The following ITPR1 variants were observed in gnomAD, a reference collection of about 807,000 sequenced individuals.
ITPR1 encodes the protein inositol 1,4,5-trisphosphate-gated calcium channel ITPR1.
Under a neutral mutation model 318.4 loss-of-function variants are expected in ITPR1, and 96 were observed. That is an observed-to-expected ratio of 0.30 (90% confidence interval 0.26 to 0.36). ITPR1 has a LOEUF of 0.36. Ranked by LOEUF, ITPR1 falls within the 10% of genes least tolerant of loss-of-function variation. The probability of loss-of-function intolerance (pLI) is 1.00; values close to 1 mark genes in which losing one functional copy is unlikely to be tolerated. For synonymous variants in ITPR1, 1,312 were observed against 1,289.9 expected (o/e 1.02, Z -0.37); for missense variants, 2,440 against 3,460.2 (o/e 0.71, Z 7.40).
At chr3:4,745,044 CTT>C (rs757374788) in intron 44 of ITPR1, among the ~76,000 whole-genome samples, 1 of 9,148 alleles carries the variant, frequency 1.1e-4, no homozygotes, top group Non-Finnish European at 2.2e-4. Flanking sequence ...TTCTTTATCT[CTT>C]TCTTTTCCTT....
In ITPR1 at chr3:4,727,527, C is replaced by T. The variant is rs139911869; in HGVS notation, c.5220+354C>T. Among the ~76,000 whole-genome samples the T allele has an allele frequency of 2.8e-3, 429 of 152,110 alleles. 1 individual carries two copies. The highest frequency in any genetic ancestry group is 9.8e-3 in the African/African-American group (407 of 41,486). On this transcript the variant is annotated intron_variant, in intron 42 of 61. Coordinates refer to ENST00000649015, the MANE Select transcript of ITPR1 (RefSeq NM_001378452.1). The stretch of plus-strand genomic sequence containing the variant: ...TTATAATTTTAAAAAAATGGAAAAA[C>T]GTTCATAATTACATTACCTAGCCAC...
At chr3:4,639,318 C>G in intron 5 of ITPR1, 66 bp from the exon 6 acceptor site, 1 of 1,186,956 alleles carries the variant, frequency 8.4e-7, no homozygotes, top group South Asian at 1.3e-5. Context: ...ATTTGTTCTG[C>G]GTCACTGCAG....
At chr3:4,573,131 A>G (rs542064597) in intron 4 of ITPR1, among the ~76,000 whole-genome samples, 1 of 152,204 alleles carries the variant, frequency 6.6e-6, no homozygotes, top group African/African-American at 2.4e-5. Context: ...ATTATATAGT[A>G]GCTCTACTTT....
At chr3:4,759,334 G>A (rs1047785927) in intron 44 of ITPR1, among the ~76,000 whole-genome samples, 5 of 152,200 alleles carry the variant, frequency 3.3e-5, no homozygotes, top group African/African-American at 4.8e-5. Flanking sequence ...TCTAAGACCC[G>A]GATTCATTGG....
At chr3:4,759,194 C>T (rs139865891) in intron 44 of ITPR1, among the ~76,000 whole-genome samples, 4 of 152,332 alleles carry the variant, frequency 2.6e-5, no homozygotes, top group South Asian at 2.1e-4. Flanking sequence ...AAGGCAGGCT[C>T]GTCATAACCA....
chr3:4,510,506 A>G (rs1428469616), intron 2 of ITPR1, among the ~76,000 whole-genome samples: 1 of 152,194 alleles, frequency 6.6e-6, no homozygotes, highest in Non-Finnish European at 1.5e-5. Context: ...AAGAATCAAG[A>G]GATATAGTAA....
chr3:4,692,696 A>G (rs977121049), intron 32 of ITPR1, among the ~76,000 whole-genome samples: 2 of 152,244 alleles, frequency 1.3e-5, no homozygotes, highest in Non-Finnish European at 2.9e-5. Flanking sequence ...CAAGTTATAA[A>G]CAGGAATGCC....
At chr3:4,688,987 A>G (rs1429693580) in intron 31 of ITPR1, among the ~76,000 whole-genome samples, 1 of 152,238 alleles carries the variant, frequency 6.6e-6, no homozygotes, top group Non-Finnish European at 1.5e-5. Flanking sequence ...ATACATATAT[A>G]ATATTTCCAT....
chr3:4,843,074 G>GTTTTT (rs11404208), intron 61 of ITPR1, among the ~76,000 whole-genome samples: 6 of 105,444 alleles, frequency 5.7e-5, no homozygotes, highest in South Asian at 3.0e-4. Flanking sequence ...GTTTTGAGGG[G>GTTTTT]TTTTTTTTTT....
intron 44 of ITPR1, among the ~76,000 whole-genome samples, chr3:4,744,183 T>C (rs1054646062): frequency 6.6e-6 from 1 of 152,204 alleles, no homozygotes; most frequent in African/African-American, 2.4e-5. Context: ...CCTCAGGTTT[T>C]CCACAGTCTC....
At chr3:4,652,299 T>C (rs187915431) in intron 11 of ITPR1, 81 bp downstream of exon 11, 26 of 965,210 alleles carry the variant, frequency 2.7e-5, no homozygotes, top group Non-Finnish European at 3.9e-5. Flanking sequence ...AGCCGTCGTG[T>C]TGTAAAAGGC....
At chr3:4,635,921 C>A (rs541568555) in intron 5 of ITPR1, among the ~76,000 whole-genome samples, 3 of 151,842 alleles carry the variant, frequency 2.0e-5, no homozygotes, top group African/African-American at 7.3e-5. Context: ...AATGCAATGG[C>A]ATGATCTCAG....
At chr3:4,671,027 G>A (rs1474005226) in intron 20 of ITPR1, 101 bp downstream of exon 20, 5 of 801,668 alleles carry the variant, frequency 6.2e-6, no homozygotes, top group East Asian at 2.8e-5. Context: ...ATCACAAGGA[G>A]TCATCTTGTA....
intron 4 of ITPR1, among the ~76,000 whole-genome samples, chr3:4,568,098 AAGG>A (rs1354883585): frequency 1.3e-5 from 2 of 152,102 alleles, no homozygotes; most frequent in Non-Finnish European, 2.9e-5. Flanking sequence ...CTGAGAAGAG[AAGG>A]AGATTAAGAG....
rs1264228845 is a variant in ITPR1 at position 4,560,134 on chromosome 3, C to T, written c.163+39040C>T. Among the ~76,000 whole-genome samples, 5 of 152,278 alleles carry T rather than the reference C, an allele frequency of 3.3e-5. 1 individual carries two copies. The South Asian group carries it at 6.2e-4, about 19-fold the overall frequency. ...AAAGACCTTGGAACAGTACTTGGCACGTCCATGAATTAAAAAATGCTTAAG... is the reference window on the plus strand; with the variant it reads ...AAAGACCTTGGAACAGTACTTGGCATGTCCATGAATTAAAAAATGCTTAAG... On this transcript the variant is annotated intron_variant, in intron 4 of 61. Coordinates refer to ENST00000649015, the MANE Select transcript of ITPR1 (RefSeq NM_001378452.1).
rs770979614 is a variant in ITPR1, at chr3:4,727,668, G to A, written c.5220+495G>A. 6.3e-4 allele frequency among the ~76,000 whole-genome samples: 96 copies of A among 152,250 alleles called. 2 individuals are homozygous for A. Among genetic ancestry groups the A allele is most frequent in the Admixed American group, 2.2e-3 (33 of 15,296 alleles). ...CAGCTCACTGCAGCCTCAACCTCCT[G>A]GGCTCAAGAGATCCTCCTGCCTCAG... On this transcript the variant is annotated intron_variant, in intron 42 of 61. Transcript: ENST00000649015.
chr3:4,595,131 G>A (rs1432186399), intron 4 of ITPR1, among the ~76,000 whole-genome samples: 2 of 152,200 alleles, frequency 1.3e-5, no homozygotes, highest in Admixed American at 6.5e-5. Context: ...AATGAAACGT[G>A]TATTAGTCTG....
chr3:4,654,867 G>C (rs80349654), intron 12 of ITPR1, among the ~76,000 whole-genome samples: 8,408 of 152,260 alleles, frequency 0.055, 607 homozygotes, highest in African/African-American at 0.17. Flanking sequence ...AAGACACTCT[G>C]ACTGAGGCCT....
rs1394848352 is a variant in ITPR1 at position 4,711,661 on chromosome 3, G to C, written c.4992-96G>C. On this transcript the variant is annotated intron_variant, in intron 38 of 61. Transcript: ENST00000649015. ...ACCTGAGAGCTCTTAATAAATATTTGTTCATTAACGGACTAGTTAAAATAA... is the reference window on the plus strand; with the variant it reads ...ACCTGAGAGCTCTTAATAAATATTTCTTCATTAACGGACTAGTTAAAATAA... 7 of 713,040 alleles carry C rather than the reference G, an allele frequency of 9.8e-6. No homozygotes were observed. In the East Asian group the frequency reaches 1.9e-4, roughly 19 times the overall value. 44.2% of individuals were successfully genotyped at this position (713,040 alleles called of 1,614,324 possible).
Sources: gnomAD v4.1 joint callset for allele counts (sites outside exome capture counted in the v4.1 genomes callset) on GRCh38, gnomAD v4.1.1 for gene constraint, MANE v1.5 for transcripts, NCBI Gene and HGNC (gene_info 2026-07-23, HGNC 2026-07-21) for gene names.